AKAP11: variants seen among roughly 807,000 people sequenced by gnomAD.
AKAP11 encodes A-kinase anchoring protein 11, also known as A-kinase anchor protein 11.
In AKAP11, 36 loss-of-function variants were observed where a neutral mutation model predicts 146.1. The observed-to-expected ratio is 0.25, with a 90% CI of 0.19 to 0.33. The LOEUF is 0.33. AKAP11 is among the 10% of genes least tolerant of loss of function. AKAP11 has a pLI of 1.00. For synonymous variants in AKAP11, 780 were observed against 786.5 expected (o/e 0.99, Z 0.14); for missense variants, 2,201 against 2,197.0 (o/e 1.00, Z -0.04).
At position 42,302,168 on chromosome 13, in the gene AKAP11, C is replaced by A; in HGVS notation, c.3422C>A (p.Pro1141Gln). ...EFAPATPPST[P>Q]HNSSVGSLSE... ...GCACCTGCTACACCACCTTCTACTC[C>A]ACACAACTCATCTGTTGGTAGTTTG... The change falls in exon 8 of 13, where the codon CCA (proline) becomes CAA (glutamine). Residue 1141 changes from proline (P) to glutamine (Q), a missense_variant. Physicochemically the swap from Pro to Gln is moderately conservative, Grantham distance 76. This residue lies in a region of AKAP11 where 1,867 missense variants were observed against 1,833.5 expected (regional missense o/e 1.02). Coordinates refer to ENST00000025301, the MANE Select transcript of AKAP11 (RefSeq NM_016248.4). 6.2e-7 allele frequency: 1 copy of A among 1,614,138 alleles called. No individual in the cohort carries two copies. The highest frequency in any genetic ancestry group is 1.1e-5 in the South Asian group (1 of 91,084).
chr13:42,313,157 CTGA>C (rs1432821162), intron 10 of AKAP11, 27 bp downstream of exon 10: 1 of 1,530,014 alleles, frequency 6.5e-7, no homozygotes, highest in Non-Finnish European at 9.0e-7. Context: ...AACTTAAAAA[CTGA>C]TGAGTCTGTC....
At chr13:42,292,266 A>T in intron 3 of AKAP11, 119 bp from the exon 4 acceptor site, 1 of 492,128 alleles carries the variant, frequency 2.0e-6, no homozygotes. Context: ...TTCAGTATCA[A>T]AAGGTGCCAG....
intron 1 of AKAP11, among the ~76,000 whole-genome samples, chr13:42,276,881 A>G (rs1958934485): frequency 6.6e-6 from 1 of 152,348 alleles, no homozygotes; most frequent in South Asian, 2.1e-4. Context: ...TCTTAGAGTC[A>G]TGGCGTCATA....
chr13:42,291,303 A>G (rs571099389), intron 3 of AKAP11, among the ~76,000 whole-genome samples: 14 of 152,266 alleles, frequency 9.2e-5, no homozygotes, highest in African/African-American at 2.9e-4. Flanking sequence ...CCCAGGCTGG[A>G]GTGCAGTGGC....
chr13:42,312,626 G>A (rs1960617647), intron 9 of AKAP11, among the ~76,000 whole-genome samples: 1 of 152,012 alleles, frequency 6.6e-6, no homozygotes, highest in Non-Finnish European at 1.5e-5. Context: ...TCACTGTTTT[G>A]CACTATCTAA....
At chr13:42,295,840 G>T in intron 5 of AKAP11, 98 bp downstream of exon 5, 2 of 1,073,640 alleles carry the variant, frequency 1.9e-6, no homozygotes, top group Middle Eastern at 2.0e-4. Context: ...GTTGCAAACC[G>T]CAGACTGACT....
At chr13:42,297,858 T>G (rs191324289) in intron 6 of AKAP11, among the ~76,000 whole-genome samples, 2 of 147,142 alleles carry the variant, frequency 1.4e-5, no homozygotes, top group East Asian at 3.9e-4. Context: ...AACTGCTTGC[T>G]TCATTTCCTT....
At chr13:42,288,769 G>A (rs1959184909) in intron 3 of AKAP11, among the ~76,000 whole-genome samples, 1 of 152,120 alleles carries the variant, frequency 6.6e-6, no homozygotes, top group Admixed American at 6.5e-5. Flanking sequence ...GGCCAGGCTA[G>A]TTTTATTTTC....
chr13:42,287,082 C>T (rs1959172912), intron 3 of AKAP11, among the ~76,000 whole-genome samples: 1 of 152,122 alleles, frequency 6.6e-6, no homozygotes, highest in Non-Finnish European at 1.5e-5. Context: ...TGGTTTCCTT[C>T]TCTTTTATGG....
intron 1 of AKAP11, among the ~76,000 whole-genome samples, chr13:42,275,848 T>C (rs1958902912): frequency 6.6e-6 from 1 of 152,188 alleles, no homozygotes; most frequent in Non-Finnish European, 1.5e-5. Context: ...GGTACGGTAT[T>C]AGTATTTGTT....
At chr13:42,307,444 A>G (rs962454127) in intron 8 of AKAP11, among the ~76,000 whole-genome samples, 1 of 152,144 alleles carries the variant, frequency 6.6e-6, no homozygotes, top group Non-Finnish European at 1.5e-5. Flanking sequence ...AGGGAGTTAG[A>G]GAGTGCTGGT....
upstream of AKAP11, chr13:42,272,021 T>C (rs1958777068): frequency 7.1e-6 from 1 of 141,172 alleles, no homozygotes; most frequent in Non-Finnish European, 1.5e-5. Context: ...GTGGGAGGCG[T>C]GGAGAGTAGG....
At chr13:42,298,459 A>G (rs1959640086) in intron 6 of AKAP11, 74 bp from the exon 7 acceptor site, 10 of 1,479,888 alleles carry the variant, frequency 6.8e-6, no homozygotes, top group Non-Finnish European at 8.3e-6. Flanking sequence ...AGATTGTCTT[A>G]TATCTAGGCT....
At chr13:42,291,061 C>G (rs17063155) in intron 3 of AKAP11, among the ~76,000 whole-genome samples, 18,665 of 151,978 alleles carry the variant, frequency 0.12, 1,247 homozygotes, top group African/African-American at 0.14. Flanking sequence ...AGCTTTTTAT[C>G]ATAAATTCTT....
intron 3 of AKAP11, among the ~76,000 whole-genome samples, chr13:42,288,365 A>G (rs1959181790): frequency 2.0e-5 from 3 of 152,200 alleles, no homozygotes; most frequent in Admixed American, 6.5e-5. Flanking sequence ...CCTACCACCC[A>G]TATTCAACAG....
intron 11 of AKAP11, 33 bp downstream of exon 11, chr13:42,313,973 G>A (rs763828890): frequency 6.2e-7 from 1 of 1,610,370 alleles, no homozygotes; most frequent in Non-Finnish European, 8.5e-7. Flanking sequence ...GTGTTGGCAT[G>A]TGTTTTGTAT....
chr13:42,318,154 C>T (rs1027877343), intron 12 of AKAP11, among the ~76,000 whole-genome samples: 8 of 152,098 alleles, frequency 5.3e-5, no homozygotes, highest in African/African-American at 1.4e-4. Context: ...AATTAAAAGC[C>T]GATAAAAGTT....
chr13:42,314,447 A>T (rs1056322741), intron 11 of AKAP11, among the ~76,000 whole-genome samples: 26 of 14,436 alleles, frequency 1.8e-3, no homozygotes, highest in African/African-American at 6.3e-3. Flanking sequence ...ACTCTGACTT[A>T]AAAAAAAAAA....
intron 4 of AKAP11, among the ~76,000 whole-genome samples, chr13:42,295,338 A>C (rs1959442501): frequency 6.6e-6 from 1 of 152,222 alleles, no homozygotes; most frequent in African/African-American, 2.4e-5. Context: ...TGCCATGGGA[A>C]GCATGGAGGA....
Sources: allele counts gnomAD v4.1 joint callset (sites outside exome capture counted in the v4.1 genomes callset), GRCh38; gene constraint gnomAD v4.1.1; regional missense constraint gnomAD v4.1.1; transcripts MANE v1.5; gene names NCBI Gene and HGNC (gene_info 2026-07-23, HGNC 2026-07-21).